The following WDR90 variants were observed in gnomAD, a reference collection of about 807,000 sequenced individuals.
WDR90 encodes the protein WD repeat-containing protein 90.
Under a neutral mutation model 195.2 loss-of-function variants are expected in WDR90, and 238 were observed. That is an observed-to-expected ratio of 1.22 (90% CI 1.10 to 1.36). The LOEUF (loss-of-function observed/expected upper bound fraction) is 1.36. WDR90 is among the 40% of genes most tolerant of loss of function. The pLI, the probability that WDR90 is intolerant of heterozygous loss-of-function variation, is 0.00. For missense variants in WDR90, 2,734 were observed against 2,439.5 expected (o/e 1.12, Z -2.54); for synonymous variants, 1,265 against 1,052.4 (o/e 1.20, Z -3.91).
chr16:657,674 G>T, intron 20 of WDR90, 88 bp from the exon 21 acceptor site: 1 of 1,421,988 alleles, frequency 7.0e-7, no homozygotes, highest in South Asian at 1.5e-5. Flanking sequence ...TCCCGAAAGT[G>T]GGGGCAGGGG....
At chr16:655,974 C>G in intron 17 of WDR90, 85 bp downstream of exon 17, 1 of 1,432,580 alleles carries the variant, frequency 7.0e-7, no homozygotes, top group Non-Finnish European at 9.5e-7. Flanking sequence ...CGGGGCTCTG[C>G]TGTCAGCCGC....
rs1248737184 is a variant in WDR90 at position 656,734 on chromosome 16, A to G, written c.2205A>G (p.Leu735=). 6.2e-7 allele frequency: 1 copy of G among 1,612,776 alleles called. No individual in the cohort carries two copies. The change falls in exon 19 of 41, where the codon CTA becomes CTG. Residue 735 remains leucine, a splice_region_variant and synonymous_variant. Transcript: ENST00000293879. The part of the protein sequence containing the change: ...RIWDLATLQQ[L]YDFTSSEDAP... ...TCAGCACGGCCCCTGTCCCACAGCT[A>G]TACGACTTCACATCATCAGAGGACG...
At position 659,263 on chromosome 16, in the gene WDR90, T is replaced by C. The variant is rs1302573192; in HGVS notation, c.3071T>C (p.Leu1024Pro). Reference protein sequence around the residue: ...ACKTGPGAGPLEDAASRASEL... With the variant: ...ACKTGPGAGPPEDAASRASEL... ...TCCCCAGGCCCGGGCGCAGGACCGC[T>C]GGAGGACGCAGCGTCCAGGGCCAGC... The change falls in exon 26 of 41, where the codon CTG (leucine) becomes CCG (proline). Residue 1024 changes from leucine (L) to proline (P), a missense_variant. By Grantham distance (98) the Leu-to-Pro change is moderately conservative. Transcript: ENST00000293879. The C allele has an allele frequency of 6.2e-7, 1 of 1,611,138 alleles. No individual in the cohort carries two copies. The highest frequency in any genetic ancestry group is 1.7e-5 in the Admixed American group (1 of 59,852).
chr16:665,619 C>T (rs1404339760), intron 34 of WDR90, 60 bp from the exon 35 acceptor site: 1 of 1,610,354 alleles, frequency 6.2e-7, no homozygotes, highest in Non-Finnish European at 8.5e-7. Context: ...TAGGAAATGC[C>T]TGCGTCCCTT....
At chr16:660,951 C>CCTCGGGCCCCGCCCCCTGT in intron 28 of WDR90, 100 bp from the exon 29 acceptor site, 1 of 394,692 alleles carries the variant, frequency 2.5e-6, no homozygotes, top group South Asian at 6.6e-5. Context: ...CGCCCCACGG[C>CCTCGGGCCCCGCCCCCTGT]TCGGCCCAGG....
At chr16:656,644 G>T in intron 18 of WDR90, 88 bp from the exon 19 acceptor site, 1 of 1,570,538 alleles carries the variant, frequency 6.4e-7, no homozygotes, top group South Asian at 1.2e-5. Context: ...TTTCCAGCCT[G>T]TGTCGGCCCC....
chr16:650,102 C>T lies in WDR90; in HGVS notation c.214C>T (p.Leu72=), dbSNP rs2037611804. The T allele has an allele frequency of 6.2e-6, 10 of 1,612,994 alleles. No individual in the cohort carries two copies. The highest frequency in any genetic ancestry group is 5.5e-5 in the South Asian group (5 of 91,094). Residue 72 remains leucine (L), a synonymous_variant, in exon 3 of 41, where the codon CTG becomes TTG. Coordinates refer to ENST00000293879, the MANE Select transcript of WDR90 (RefSeq NM_145294.5). ...TQSLGLTGRY[L]YVLFRPLPSK... is the part of the protein sequence containing the mutation. ...GTCTCTGGGGCTGACGGGACGATAC[C>T]TGTATGTGCTCTTTCGGCCCCTGCC...
rs771875320 is a variant in WDR90 at position 656,809 on chromosome 16, C to T, written c.2280C>T (p.Gly760=). Residue 760 remains glycine, a synonymous_variant, in exon 19 of 41, where the codon GGC becomes GGT. Coordinates refer to ENST00000293879, the MANE Select transcript of WDR90 (RefSeq NM_145294.5). The part of the protein sequence containing the change: ...FHPTRPTFFC[G]FSSGAVRSFS... ...CCACAAGGCCAACCTTTTTCTGTGG[C>T]TTTAGCAGTGGGGCCGTGCGCTCCT... 10 of 1,613,040 alleles carry T rather than the reference C, an allele frequency of 6.2e-6. 1 individual carries two copies. The South Asian group carries it at 1.1e-4, about 18-fold the overall frequency.
chr16:657,430 G>T, intron 20 of WDR90: 3 of 898,530 alleles, frequency 3.3e-6, no homozygotes, highest in Non-Finnish European at 4.9e-6. Flanking sequence ...GTCAGCTCGG[G>T]TCTGTGCCCA....
rs1344574912 is a variant in WDR90, at chr16:653,808, CAG to C, written c.1437+6_1437+7del. ...AAGGACCACCACGGGAGGACGGTAA[CAG>C]GGCCCTGGCTGCGGGTTGGGGTGGG... is the stretch of plus-strand genomic sequence containing the variant. On this transcript the variant is annotated splice_donor_region_variant and intron_variant, in intron 13 of 40. Coordinates refer to ENST00000293879, the MANE Select transcript of WDR90 (RefSeq NM_145294.5). The C allele has an allele frequency of 9.9e-6, 16 of 1,613,004 alleles. No homozygotes were observed. The Admixed American group carries it at 1.7e-4, about 17-fold the overall frequency.
chr16:659,871 G>A (rs568204092), intron 26 of WDR90, among the ~76,000 whole-genome samples, 187 bp from the exon 27 acceptor site: 88 of 152,308 alleles, frequency 5.8e-4, no homozygotes, highest in African/African-American at 2.1e-3. Context: ...TGAGTCCCCC[G>A]TGTGACGAGG....
rs118048611 is a variant in WDR90 at position 658,840 on chromosome 16, C to T, written c.2896-56C>T. 8.3e-4 allele frequency: 1,327 copies of T among 1,596,718 alleles called. 25 individuals are homozygous for T. In the South Asian group the frequency reaches 0.012, roughly 15 times the overall value. The stretch of plus-strand genomic sequence containing the variant: ...GCTCACCGTCCCTGGGGACTGGGCA[C>T]ACGGCAGCATCCATGCCCCGCCTCG... On this transcript the variant is annotated intron_variant, in intron 23 of 40. Coordinates refer to ENST00000293879, the MANE Select transcript of WDR90 (RefSeq NM_145294.5).
intron 21 of WDR90, 49 bp downstream of exon 21, chr16:657,941 T>C: frequency 6.7e-7 from 1 of 1,500,286 alleles, no homozygotes; most frequent in Non-Finnish European, 8.9e-7. Context: ...CATGAGAGGC[T>C]GGCTGCAGGG....
At position 649,983 on chromosome 16, in the gene WDR90, T is replaced by G; in HGVS notation, c.103-8T>G. 1 of 1,611,618 alleles carries G rather than the reference T, an allele frequency of 6.2e-7. No homozygotes were observed. Among genetic ancestry groups the G allele is most frequent in the South Asian group, 1.1e-5 (1 of 91,054 alleles). ...TGCTGTCGGTGATGCGGGCTCCCGC[T>G]TCTCCAGGACAAGACCCTGAAGGGC... On this transcript the variant is annotated splice_region_variant and splice_polypyrimidine_tract_variant and intron_variant, in intron 2 of 40. Transcript: ENST00000293879.
At chr16:650,768 A>C in intron 5 of WDR90, 59 bp downstream of exon 5, 1 of 1,579,184 alleles carries the variant, frequency 6.3e-7, no homozygotes, top group Non-Finnish European at 8.6e-7. Context: ...AGCCCTGGAG[A>C]GGCCCAAGTC....
rs1399484423 is a variant in WDR90, at chr16:658,917, C to T, written c.2917C>T (p.Pro973Ser). The change falls in exon 24 of 41, where the codon CCC becomes TCC. Residue 973 changes from proline to serine, a missense_variant. Transcript: ENST00000293879. ...GPQVYIGHSE[P>S]VQAVAFSPDQ... ...CTAGGTGTACATCGGCCACTCGGAA[C>T]CCGTGCAGGCTGTGGCCTTCTCTCC... 1.9e-6 allele frequency: 3 copies of T among 1,612,312 alleles called. No homozygotes were observed. The highest frequency in any genetic ancestry group is 4.5e-5 in the East Asian group (2 of 44,890).
intron 34 of WDR90, among the ~76,000 whole-genome samples, chr16:664,366 G>A (rs939434044): frequency 4.6e-5 from 7 of 152,194 alleles, no homozygotes; most frequent in African/African-American, 1.2e-4. Flanking sequence ...CATCCCAGCC[G>A]CTGTGTGTGC....
At chr16:662,917 C>T in intron 34 of WDR90, 73 bp downstream of exon 34, 1 of 1,526,822 alleles carries the variant, frequency 6.5e-7, no homozygotes, top group Non-Finnish European at 8.8e-7. Flanking sequence ...GGCTCCATCT[C>T]CACCAGCCCA....
chr16:664,753 C>T (rs968526847), intron 34 of WDR90, among the ~76,000 whole-genome samples: 1 of 151,274 alleles, frequency 6.6e-6, no homozygotes, highest in Non-Finnish European at 1.5e-5. Flanking sequence ...GATCTTGGCT[C>T]ACTGCAAGCT....
Sources: allele counts gnomAD v4.1 joint callset (sites outside exome capture counted in the v4.1 genomes callset), GRCh38; gene constraint gnomAD v4.1.1; transcripts MANE v1.5; gene names NCBI Gene and HGNC (gene_info 2026-07-23, HGNC 2026-07-21).